CD300LF: variants seen among roughly 807,000 people sequenced by gnomAD.
CD300LF encodes the protein CMRF35-like molecule 1.
In CD300LF, 27 loss-of-function variants were observed where a neutral mutation model predicts 32.2. That is an observed-to-expected ratio of 0.84 (90% CI 0.62 to 1.15). The LOEUF is 1.15. Among genes scored for constraint, CD300LF ranks in the 50% most tolerant of loss-of-function variants. The pLI is 0.00. For synonymous variants in CD300LF, 139 were observed against 143.2 expected (o/e 0.97, Z 0.21); for missense variants, 348 against 356.8 (o/e 0.98, Z 0.20).
chr17:74,712,471 C>A (rs2034037434), intron 1 of CD300LF, among the ~76,000 whole-genome samples: 2 of 152,332 alleles, frequency 1.3e-5, no homozygotes, highest in African/African-American at 4.8e-5. Context: ...CTCAGAACAC[C>A]TCCACGCAGG....
chr17:74,699,116 G>A (rs1395566248), intron 3 of CD300LF, among the ~76,000 whole-genome samples: 1 of 152,008 alleles, frequency 6.6e-6, no homozygotes, highest in East Asian at 1.9e-4. Context: ...ACAGGATTTT[G>A]CCATGTAAGC....
chr17:74,708,423 G>A (rs913027159), intron 1 of CD300LF, among the ~76,000 whole-genome samples: 9 of 152,076 alleles, frequency 5.9e-5, no homozygotes, highest in Non-Finnish European at 8.8e-5. Context: ...TCCATTTCAC[G>A]AGATTAACAT....
intron 1 of CD300LF, among the ~76,000 whole-genome samples, chr17:74,706,106 CAG>C (rs1331042239): frequency 6.6e-6 from 1 of 151,948 alleles, no homozygotes; most frequent in East Asian, 1.9e-4. Flanking sequence ...AAGAACAAAA[CAG>C]AGGAGGGAAG....
intron 1 of CD300LF, among the ~76,000 whole-genome samples, chr17:74,708,129 C>G (rs1207259524): frequency 1.8e-5 from 2 of 108,636 alleles, no homozygotes; most frequent in Admixed American, 1.1e-4. Flanking sequence ...GGCTGAACAA[C>G]AGAACAAGAC....
At chr17:74,708,813 G>T (rs2143870484) in intron 1 of CD300LF, among the ~76,000 whole-genome samples, 1 of 151,536 alleles carries the variant, frequency 6.6e-6, no homozygotes, top group East Asian at 1.9e-4. Flanking sequence ...CTACTCGGAG[G>T]CTGAGGCAGG....
At chr17:74,696,612 C>T (rs2032503727) in intron 4 of CD300LF, among the ~76,000 whole-genome samples, 1 of 152,234 alleles carries the variant, frequency 6.6e-6, no homozygotes, top group Non-Finnish European at 1.5e-5. Flanking sequence ...AAAGTCATGC[C>T]TGCCTTCTGC....
chr17:74,695,385 C>G (rs1598199336), intron 6 of CD300LF, 134 bp from the exon 7 acceptor site: 1 of 1,080,150 alleles, frequency 9.3e-7, no homozygotes, highest in Non-Finnish European at 1.3e-6. Context: ...TCCAGCTTCC[C>G]CCTTCACTCT....
In CD300LF at chr17:74,706,935, G is replaced by A. The variant is rs1403143774; in HGVS notation, c.44-2119C>T. ...AGTGCTGGGAAAACTCGACATCCAC[G>A]TCCAGAAGAATGAAGCCGGACCTTT... On this transcript the variant is annotated intron_variant, in intron 1 of 6. Transcript: ENST00000326165. 3.9e-5 allele frequency among the ~76,000 whole-genome samples: 6 copies of A among 152,156 alleles called. No individual in the cohort carries two copies. In the East Asian group the frequency reaches 7.7e-4, roughly 20 times the overall value.
intron 1 of CD300LF, among the ~76,000 whole-genome samples, chr17:74,709,343 C>T (rs2033779429): frequency 6.6e-6 from 1 of 152,152 alleles, no homozygotes. Flanking sequence ...AACGCTCATT[C>T]ATGATTTTTT....
chr17:74,698,691 AC>A, intron 3 of CD300LF: 1 of 1,251,484 alleles, frequency 8.0e-7, no homozygotes, highest in Non-Finnish European at 1.1e-6. Flanking sequence ...AACAAGAGAC[AC>A]CAGGGCCTAC....
chr17:74,711,074 C>T (rs1003419158), intron 1 of CD300LF, among the ~76,000 whole-genome samples: 1 of 152,096 alleles, frequency 6.6e-6, no homozygotes, highest in African/African-American at 2.4e-5. Flanking sequence ...TCACAGAAAA[C>T]AAACTTCCGG....
At chr17:74,698,283 T>G in intron 4 of CD300LF, 86 bp downstream of exon 4, 1 of 934,298 alleles carries the variant, frequency 1.1e-6, no homozygotes, top group Non-Finnish European at 1.7e-6. Flanking sequence ...ATTGTGTGGG[T>G]AATCCCTTGG....
At chr17:74,705,751 C>T (rs192328718) in intron 1 of CD300LF, among the ~76,000 whole-genome samples, 76 of 152,132 alleles carry the variant, frequency 5.0e-4, no homozygotes, top group Admixed American at 2.0e-3. Flanking sequence ...CATGCCTCCA[C>T]GCCTGGCTAA....
intron 3 of CD300LF, among the ~76,000 whole-genome samples, chr17:74,699,947 C>T (rs910533621): frequency 6.6e-6 from 1 of 151,906 alleles, no homozygotes; most frequent in African/African-American, 2.4e-5. Flanking sequence ...TCAAGACCAG[C>T]CTGACCAACA....
At position 74,704,643 on chromosome 17, in the gene CD300LF, G is replaced by A; in HGVS notation, c.217C>T (p.Gln73Ter). The A allele has an allele frequency of 1.2e-6, 2 of 1,614,152 alleles. No individual in the cohort carries two copies. Among genetic ancestry groups the A allele is most frequent in the Non-Finnish European group, 1.7e-6 (2 of 1,180,032 alleles). ...KILVKTSGSE[Q>*]EVKRDRVSIK... ...GACACCCGGTCCCTCTTCACCTCCT[G>A]CTCTGACCCACTGGTTTTAACAAGG... Residue 73 changes from glutamine to a stop codon, truncating the protein, a stop_gained, in exon 2 of 7, where the codon CAG (glutamine) becomes TAG (stop). Coordinates refer to ENST00000326165, the MANE Select transcript of CD300LF (RefSeq NM_139018.5). LOFTEE classifies it high-confidence loss of function.
chr17:74,709,742 AT>A (rs534800950), intron 1 of CD300LF, among the ~76,000 whole-genome samples: 49 of 145,868 alleles, frequency 3.4e-4, no homozygotes, highest in Admixed American at 4.1e-4. Flanking sequence ...CCAGGCTAGT[AT>A]TTTTTTTTTT....
At chr17:74,703,468 C>A (rs1466885664) in intron 2 of CD300LF, among the ~76,000 whole-genome samples, 1 of 152,140 alleles carries the variant, frequency 6.6e-6, no homozygotes, top group African/African-American at 2.4e-5. Flanking sequence ...ATCTCCACCC[C>A]CAGCCCTATT....
At chr17:74,705,406 C>T (rs1369162845) in intron 1 of CD300LF, 7 of 527,224 alleles carry the variant, frequency 1.3e-5, no homozygotes, top group Non-Finnish European at 2.4e-5. Context: ...ACAGATCCCA[C>T]TTTCTTTAAT....
intron 3 of CD300LF, among the ~76,000 whole-genome samples, chr17:74,700,164 TAAATAAACAAAC>T (rs1298060620): frequency 6.0e-5 from 9 of 149,690 alleles, no homozygotes; most frequent in Admixed American, 4.7e-4. Flanking sequence ...AATAAATAAA[TAAATAAACAAAC>T]AAACAAACAA....
Sources: gnomAD v4.1 joint callset for allele counts (sites outside exome capture counted in the v4.1 genomes callset) on GRCh38, gnomAD v4.1.1 for gene constraint, MANE v1.5 for transcripts, NCBI Gene and HGNC (gene_info 2026-07-23, HGNC 2026-07-21) for gene names.